The following SYMPK variants were observed in gnomAD, a reference collection of about 807,000 sequenced individuals.
SYMPK encodes symplekin.
In SYMPK, 49 loss-of-function variants were observed where a neutral mutation model predicts 136.4. The ratio of observed to expected loss-of-function variants is 0.36; its 90% CI spans 0.29 to 0.46. The LOEUF is 0.46. SYMPK is among the 20% of genes least tolerant of loss of function. The pLI, the probability that SYMPK is intolerant of heterozygous loss-of-function variation, is 1.00. For synonymous variants in SYMPK, 766 were observed against 713.0 expected, an observed-to-expected ratio of 1.07 and a Z score of -1.19; for missense variants, 1,365 against 1,690.0, an observed-to-expected ratio of 0.81 and a Z score of 3.37.
chr19:45,842,722 A>G, intron 8 of SYMPK: 1 of 541,462 alleles, frequency 1.8e-6, no homozygotes, highest in Non-Finnish European at 3.2e-6. Flanking sequence ...CTCTTTTAGT[A>G]AATACATACA....
chr19:45,856,152 G>C (rs963058887), intron 1 of SYMPK, among the ~76,000 whole-genome samples: 15 of 152,234 alleles, frequency 9.9e-5, no homozygotes, highest in Admixed American at 2.6e-4. Flanking sequence ...TTAGGAGTTT[G>C]AGACCAGCCT....
At position 45,847,797 on chromosome 19, in the gene SYMPK, T is replaced by C; in HGVS notation, c.631A>G (p.Ile211Val). ...SEIPRRQEHD[I>V]SLDRIPRDHP... is the part of the protein sequence containing the mutation. Reference sequence around the variant, plus strand: ...TCACGAGGGATGCGGTCCAGGCTGATATCATGCTCCTGGCGTCGGGGTATC... The same window carrying C: ...TCACGAGGGATGCGGTCCAGGCTGACATCATGCTCCTGGCGTCGGGGTATC... Residue 211 changes from isoleucine (I) to valine (V), a missense_variant, in exon 7 of 27, where the codon ATC (isoleucine) becomes GTC (valine). Ile to Val is a conservative substitution (Grantham distance 29). Around this residue, in one of 11 missense-constraint regions of SYMPK, gnomAD observed 237 missense variants for 292.9 expected, o/e 0.81. Transcript: ENST00000245934. The C allele has an allele frequency of 1.2e-6, 2 of 1,614,058 alleles. No individual in the cohort carries two copies. Among genetic ancestry groups the C allele is most frequent in the Non-Finnish European group, 1.7e-6 (2 of 1,180,016 alleles).
rs1971459770 is a variant in SYMPK at position 45,842,302 on chromosome 19, G to A, written c.1035C>T (p.Thr345=). 1 of 1,614,212 alleles carries A rather than the reference G, an allele frequency of 6.2e-7. No homozygotes were observed. Among genetic ancestry groups the A allele is most frequent in the Non-Finnish European group, 8.5e-7 (1 of 1,180,042 alleles). The change falls in exon 9 of 27, where the codon ACC becomes ACT. Residue 345 remains threonine, a synonymous_variant. Coordinates refer to ENST00000245934, the MANE Select transcript of SYMPK (RefSeq NM_004819.3). ...IARNMPSSKD[T]RKRPRDDSDS... ...CCGAGTCATCGCGGGGCCGCTTGCG[G>A]GTGTCCTTGCTGCTCGGCATGTTGC...
chr19:45,838,929 G>A (rs114489325), intron 9 of SYMPK, among the ~76,000 whole-genome samples: 21,713 of 152,140 alleles, frequency 0.14, 1,632 homozygotes, highest in South Asian at 0.18. Context: ...GCTCGTCACC[G>A]AGGCTGCAGT....
At position 45,842,294 on chromosome 19, in the gene SYMPK, C is replaced by T. The variant is rs767409455; in HGVS notation, c.1043G>A (p.Arg348Gln). The T allele has an allele frequency of 5.0e-6, 8 of 1,614,102 alleles. No homozygotes were observed. Among genetic ancestry groups the T allele is most frequent in the African/African-American group, 1.3e-5 (1 of 74,932 alleles). The stretch of plus-strand genomic sequence containing the variant: ...TGTGGAGTCCGAGTCATCGCGGGGC[C>T]GCTTGCGGGTGTCCTTGCTGCTCGG... ...NMPSSKDTRK[R>Q]PRDDSDSTLK... Residue 348 changes from arginine to glutamine, a missense_variant, in exon 9 of 27, where the codon CGG (arginine) becomes CAG (glutamine). Physicochemically the swap from Arg to Gln is conservative, Grantham distance 43. Around this residue, in one of 11 missense-constraint regions of SYMPK, gnomAD observed 111 missense variants for 141.2 expected, o/e 0.79. Transcript: ENST00000245934.
chr19:45,821,604 G>A lies in SYMPK; in HGVS notation c.2792-119C>T. The A allele has an allele frequency of 1.4e-6, 1 of 691,326 alleles. No individual in the cohort carries two copies. The highest frequency in any genetic ancestry group is 2.5e-6 in the Non-Finnish European group (1 of 397,140). The allele number at this position is 691,326 out of a possible 1,614,324, so 42.8% of individuals were successfully genotyped here. A position where few individuals can be genotyped will look rare whatever the true frequency, so the allele number is the denominator to read the frequency against. ...AAAGATGAGGTGCCCTCTGCTTTCA[G>A]GGCTGGAACAGGGGAAGCGACTGAC... is the stretch of plus-strand genomic sequence containing the variant. On this transcript the variant is annotated intron_variant, in intron 21 of 26. Coordinates refer to ENST00000245934, the MANE Select transcript of SYMPK (RefSeq NM_004819.3). This position sits in a 1 kb window ranked among gnomAD's most constrained non-coding sequence, Gnocchi z 4.4.
At chr19:45,857,278 C>A (rs1971844643) in intron 1 of SYMPK, among the ~76,000 whole-genome samples, 1 of 150,476 alleles carries the variant, frequency 6.6e-6, no homozygotes, top group South Asian at 2.1e-4. Context: ...GGCATGGTGG[C>A]GGGCGCCTGT....
At chr19:45,824,001 A>T in intron 18 of SYMPK, 126 bp from the exon 19 acceptor site, 73 of 490,698 alleles carry the variant, frequency 1.5e-4, no homozygotes, top group Middle Eastern at 6.0e-4. Context: ...CAGGGTTTGG[A>T]GGGCGGGGGA....
intron 11 of SYMPK, among the ~76,000 whole-genome samples, chr19:45,834,235 C>T (rs1184120287): frequency 6.6e-6 from 1 of 152,004 alleles, no homozygotes; most frequent in Non-Finnish European, 1.5e-5. Flanking sequence ...TTGCAGTGAG[C>T]CGAGATCATG....
intron 9 of SYMPK, among the ~76,000 whole-genome samples, chr19:45,841,312 G>C (rs1971430408): frequency 7.2e-6 from 1 of 138,202 alleles, no homozygotes; most frequent in South Asian, 2.3e-4. Context: ...TTTTTTTTGA[G>C]ACAGAGTTTC....
chr19:45,817,226 C>T (rs570890826), intron 23 of SYMPK: 637 of 489,092 alleles, frequency 1.3e-3, no homozygotes, highest in South Asian at 3.0e-3. Context: ...TCCCCCTGGG[C>T]CAGGCCCAGG....
intron 11 of SYMPK, among the ~76,000 whole-genome samples, chr19:45,834,381 C>T (rs1446287463): frequency 6.6e-6 from 1 of 151,700 alleles, no homozygotes; most frequent in Non-Finnish European, 1.5e-5. Flanking sequence ...ATCATTTGAA[C>T]TTGGGAGGCA....
At chr19:45,854,716 C>T in intron 1 of SYMPK, 1 of 549,674 alleles carries the variant, frequency 1.8e-6, no homozygotes, top group Non-Finnish European at 3.3e-6. Flanking sequence ...GGGAGACTGA[C>T]ATCTCCCAAG....
At chr19:45,847,161 G>A (rs551891218) in intron 7 of SYMPK, among the ~76,000 whole-genome samples, 16 of 152,026 alleles carry the variant, frequency 1.1e-4, no homozygotes, top group Admixed American at 4.6e-4. Context: ...GCTCAAGCCC[G>A]TAATCCCAGC....
At chr19:45,839,215 G>A (rs994936890) in intron 9 of SYMPK, among the ~76,000 whole-genome samples, 8 of 152,078 alleles carry the variant, frequency 5.3e-5, no homozygotes, top group Admixed American at 5.2e-4. Context: ...AAGGCACTTT[G>A]GTAATGGCTA....
chr19:45,851,327 G>A (rs1383915982), intron 5 of SYMPK, among the ~76,000 whole-genome samples: 3 of 152,098 alleles, frequency 2.0e-5, no homozygotes, highest in Non-Finnish European at 2.9e-5. Context: ...TGTAATCCCC[G>A]CACTTTGGGA....
At chr19:45,851,050 G>A (rs1421469480) in intron 5 of SYMPK, among the ~76,000 whole-genome samples, 4 of 152,256 alleles carry the variant, frequency 2.6e-5, no homozygotes, top group South Asian at 2.1e-4. Flanking sequence ...AGGATCAGAA[G>A]TGAGATGAAG....
intron 18 of SYMPK, chr19:45,824,184 TGAA>T (rs1272101995): frequency 1.1e-5 from 3 of 274,066 alleles, no homozygotes; most frequent in Non-Finnish European, 1.4e-5. Flanking sequence ...CGTTCACTGG[TGAA>T]GATGTTTCTG....
intron 20 of SYMPK, among the ~76,000 whole-genome samples, 175 bp from the exon 21 acceptor site, chr19:45,823,021 A>T (rs1311001473): frequency 6.6e-6 from 1 of 152,076 alleles, no homozygotes; most frequent in Non-Finnish European, 1.5e-5. Context: ...CTCTCACCCC[A>T]TCTGAGCCCC....
Sources: gnomAD v4.1 joint callset for allele counts (sites outside exome capture counted in the v4.1 genomes callset) on GRCh38, gnomAD v4.1.1 for gene constraint, gnomAD v4.1.1 regional missense constraint, Gnocchi (gnomAD v3.1) non-coding constraint, MANE v1.5 for transcripts, NCBI Gene and HGNC (gene_info 2026-07-23, HGNC 2026-07-21) for gene names.